Variants in ZFAND6 observed in about 807,000 individuals in gnomAD.
The protein encoded by ZFAND6 is zinc finger AN1-type containing 6, also known as AN1-type zinc finger protein 6.
A neutral mutation model predicts 24.5 loss-of-function variants in ZFAND6; 12 were observed. The ratio of observed to expected loss-of-function variants is 0.49; its 90% CI spans 0.31 to 0.79. The LOEUF is 0.79. Among genes scored for constraint, ZFAND6 ranks in the 30% least tolerant of loss-of-function variants. The probability of loss-of-function intolerance (pLI) is 0.04; values close to 1 mark genes in which losing one functional copy is unlikely to be tolerated. For synonymous variants in ZFAND6, 92 were observed against 81.5 expected, an observed-to-expected ratio of 1.13 and a Z score of -0.69; for missense variants, 207 against 245.9, an observed-to-expected ratio of 0.84 and a Z score of 1.06.
intron 2 of ZFAND6, among the ~76,000 whole-genome samples, chr15:80,119,464 A>G (rs1567089809): frequency 6.6e-6 from 1 of 152,174 alleles, no homozygotes; most frequent in Admixed American, 6.5e-5. Context: ...TTGGCAAAAT[A>G]TAGTATACGC....
intron 1 of ZFAND6, among the ~76,000 whole-genome samples, chr15:80,062,225 C>T (rs776796664): frequency 1.3e-5 from 2 of 152,184 alleles, no homozygotes; most frequent in Non-Finnish European, 2.9e-5. Context: ...TAAGCTTATC[C>T]TTCCACTTTT....
In ZFAND6 at chr15:80,137,987, G is replaced by T. The variant is rs772774767; in HGVS notation, c.*359G>T. 2 of 161,222 alleles carry T rather than the reference G, an allele frequency of 1.2e-5. No individual in the cohort carries two copies. Among genetic ancestry groups the T allele is most frequent in the Non-Finnish European group, 2.7e-5 (2 of 74,040 alleles). 10.0% of individuals were successfully genotyped at this position (161,222 alleles called of 1,614,324 possible). ...TTTTCTCATTGTGTATGTATATATCGCTTTTCTCTGCAGCACGATTTCTCT... is the reference window on the plus strand; with the variant it reads ...TTTTCTCATTGTGTATGTATATATCTCTTTTCTCTGCAGCACGATTTCTCT... On this transcript the variant is annotated 3_prime_UTR_variant, in exon 7 of 7. Coordinates refer to ENST00000261749, the MANE Select transcript of ZFAND6 (RefSeq NM_019006.4).
intron 1 of ZFAND6, among the ~76,000 whole-genome samples, chr15:80,083,447 TAATG>T (rs1015160748): frequency 2.0e-5 from 3 of 152,198 alleles, no homozygotes; most frequent in Non-Finnish European, 4.4e-5. Flanking sequence ...TATTAAATGA[TAATG>T]AGGGAGAAAA....
intron 2 of ZFAND6, among the ~76,000 whole-genome samples, chr15:80,100,746 G>A (rs2038985314): frequency 6.6e-6 from 1 of 152,130 alleles, no homozygotes; most frequent in Admixed American, 6.5e-5. Flanking sequence ...TTTTACTGTT[G>A]TATAATGCAG....
chr15:80,088,852 C>T (rs755340705), intron 1 of ZFAND6, among the ~76,000 whole-genome samples: 5 of 152,104 alleles, frequency 3.3e-5, no homozygotes, highest in African/African-American at 1.2e-4. Context: ...CCAAGTGCTC[C>T]GTAGTTCCAC....
intron 1 of ZFAND6, among the ~76,000 whole-genome samples, chr15:80,097,673 A>AATAAATAAATAAATAAATAC (rs71455303): frequency 1.3e-5 from 2 of 150,640 alleles, no homozygotes; most frequent in South Asian, 4.2e-4. Context: ...TAAATAAATA[A>AATAAATAAATAAATAAATAC]ATACATACAT....
chr15:80,122,882 G>T, intron 5 of ZFAND6, 82 bp downstream of exon 5: 5 of 1,069,008 alleles, frequency 4.7e-6, no homozygotes, highest in Non-Finnish European at 6.7e-6. Flanking sequence ...TAAAAAAATT[G>T]CCAGCTTAAA....
intron 3 of ZFAND6, 117 bp downstream of exon 3, chr15:80,120,615 A>G: frequency 3.3e-6 from 3 of 899,960 alleles, no homozygotes; most frequent in Non-Finnish European, 4.4e-6. Context: ...TATTCATATC[A>G]GTAAAATTTC....
At chr15:80,094,180 A>G (rs1050494546) in intron 1 of ZFAND6, among the ~76,000 whole-genome samples, 2 of 152,222 alleles carry the variant, frequency 1.3e-5, no homozygotes, top group Admixed American at 6.5e-5. Flanking sequence ...TGGAAGGTTA[A>G]AATAGACATG....
chr15:80,068,396 G>GA (rs2036782517), intron 1 of ZFAND6, among the ~76,000 whole-genome samples: 1 of 151,066 alleles, frequency 6.6e-6, no homozygotes. Flanking sequence ...TTTTGAGATG[G>GA]AGTCTCGCTC....
chr15:80,082,918 G>C (rs966431692), intron 1 of ZFAND6, among the ~76,000 whole-genome samples: 8 of 152,092 alleles, frequency 5.3e-5, no homozygotes, highest in African/African-American at 1.9e-4. Context: ...TCTCTGAGGT[G>C]GATATGGGAT....
intron 1 of ZFAND6, among the ~76,000 whole-genome samples, chr15:80,086,303 A>G (rs963673754): frequency 1.3e-5 from 2 of 152,176 alleles, no homozygotes; most frequent in Non-Finnish European, 2.9e-5. Context: ...CTCCCAAAGT[A>G]CTGGGATTAC....
intron 1 of ZFAND6, among the ~76,000 whole-genome samples, chr15:80,073,941 T>G (rs542799176): frequency 6.6e-6 from 1 of 151,514 alleles, no homozygotes; most frequent in Non-Finnish European, 1.5e-5. Flanking sequence ...ATATTTTCCT[T>G]TTTAAAAAAG....
rs1310268462 is a variant in ZFAND6, at chr15:80,060,079, C to T, written c.-181+270C>T. ...CGCGCGGGCGCCCGCGGCCGGGGGCCGCTTCCTGTCAGGGTGGTCGCGCTG... is the reference window on the plus strand; with the variant it reads ...CGCGCGGGCGCCCGCGGCCGGGGGCTGCTTCCTGTCAGGGTGGTCGCGCTG... On this transcript the variant is annotated intron_variant, in intron 1 of 6. Transcript: ENST00000261749. The T allele has an allele frequency of 6.6e-5, 10 of 151,790 alleles. No individual in the cohort carries two copies. The South Asian group carries it at 1.9e-3, about 28-fold the overall frequency. 9.4% of individuals were successfully genotyped at this position (151,790 alleles called of 1,614,324 possible).
chr15:80,063,412 G>A (rs576190957), intron 1 of ZFAND6, among the ~76,000 whole-genome samples: 1 of 151,794 alleles, frequency 6.6e-6, no homozygotes, highest in Non-Finnish European at 1.5e-5. Flanking sequence ...TTTTTTTTGA[G>A]ACAGAGTCTT....
At chr15:80,136,292 C>CA (rs1351519152) in intron 6 of ZFAND6, among the ~76,000 whole-genome samples, 3 of 152,084 alleles carry the variant, frequency 2.0e-5, no homozygotes, top group Non-Finnish European at 2.9e-5. Context: ...TGGTGAAACT[C>CA]AGTCTCTACT....
chr15:80,099,236 T>C (rs2038899833), intron 2 of ZFAND6, among the ~76,000 whole-genome samples: 1 of 152,182 alleles, frequency 6.6e-6, no homozygotes, highest in Non-Finnish European at 1.5e-5. Context: ...TAAGAATCTA[T>C]GGTAGGGTGG....
At chr15:80,126,374 C>T (rs1292388217) in intron 5 of ZFAND6, among the ~76,000 whole-genome samples, 1 of 152,158 alleles carries the variant, frequency 6.6e-6, no homozygotes, top group Non-Finnish European at 1.5e-5. Flanking sequence ...CTAACAATTC[C>T]TGGCTTCAAA....
Position 80,131,235 on chromosome 15 carries a change from A to G in ZFAND6, c.420A>G (p.Glu140=). 3 of 1,613,040 alleles carry G rather than the reference A, an allele frequency of 1.9e-6. No individual in the cohort carries two copies. Among genetic ancestry groups the G allele is most frequent in the Non-Finnish European group, 2.5e-6 (3 of 1,179,454 alleles). The part of the protein sequence containing the change: ...QPSEEQSKSL[E]KPKQKKNRCF... ...CTGAAGAGCAAAGCAAGTCTCTTGA[A>G]AAACCGAAACAAAAAAAGAATCGCT... The change falls in exon 6 of 7, where the codon GAA becomes GAG. Residue 140 remains glutamate, a synonymous_variant. Coordinates refer to ENST00000261749, the MANE Select transcript of ZFAND6 (RefSeq NM_019006.4).
Sources: gnomAD v4.1 joint callset for allele counts (sites outside exome capture counted in the v4.1 genomes callset) on GRCh38, gnomAD v4.1.1 for gene constraint, MANE v1.5 for transcripts, NCBI Gene and HGNC (gene_info 2026-07-23, HGNC 2026-07-21) for gene names.